ADGRE3: variants seen among roughly 807,000 people sequenced by gnomAD.
ADGRE3 encodes EGF-like module receptor 3.
A neutral mutation model predicts 80.1 loss-of-function variants in ADGRE3; 88 were observed. The observed-to-expected ratio is 1.10, with a 90% CI of 0.93 to 1.31. The LOEUF (loss-of-function observed/expected upper bound fraction) is 1.31, where lower values mean the gene tolerates loss of function less well. Ranked by LOEUF, ADGRE3 falls within the 40% of genes most tolerant of loss-of-function variation. The pLI is 0.00. For synonymous variants in ADGRE3, 281 were observed against 294.8 expected (o/e 0.95, Z 0.48); for missense variants, 715 against 776.5 (o/e 0.92, Z 0.94).
At chr19:14,647,145 G>T (rs756583365) in intron 8 of ADGRE3, 36 bp downstream of exon 8, 1 of 1,586,348 alleles carries the variant, frequency 6.3e-7, no homozygotes. Context: ...CTGCCTCCTT[G>T]AGAACCCACA....
chr19:14,645,254 T>C (rs1002149459), intron 8 of ADGRE3, among the ~76,000 whole-genome samples: 1 of 152,192 alleles, frequency 6.6e-6, no homozygotes, highest in Non-Finnish European at 1.5e-5. Flanking sequence ...AAGCCAAATG[T>C]CCCTGGTCGT....
chr19:14,620,542 T>TGA (rs1470604975), intron 15 of ADGRE3, among the ~76,000 whole-genome samples: 8 of 15,956 alleles, frequency 5.0e-4, no homozygotes, highest in Non-Finnish European at 4.1e-4. Context: ...ATATTTTATA[T>TGA]ATATATTATA....
At chr19:14,600,319 C>T in the ADGRE3 span, 1 of 1,039,312 alleles carries the variant, frequency 9.6e-7, no homozygotes, top group East Asian at 2.6e-5. Flanking sequence ...ACAGCAAGCT[C>T]TTCCTAAGGT....
At chr19:14,663,853 T>C (rs1013682081) in intron 2 of ADGRE3, among the ~76,000 whole-genome samples, 1 of 151,822 alleles carries the variant, frequency 6.6e-6, no homozygotes, top group Non-Finnish European at 1.5e-5. Flanking sequence ...CAAATATATA[T>C]ATTTGTTACA....
chr19:14,624,096 C>T (rs1280345530), intron 15 of ADGRE3, among the ~76,000 whole-genome samples: 1 of 139,862 alleles, frequency 7.1e-6, no homozygotes, highest in South Asian at 2.3e-4. Flanking sequence ...ACCTGGCTTC[C>T]TTTTTTTTTT....
intron 5 of ADGRE3, among the ~76,000 whole-genome samples, chr19:14,655,612 T>C (rs1427455500): frequency 6.6e-6 from 1 of 151,976 alleles, no homozygotes; most frequent in Non-Finnish European, 1.5e-5. Flanking sequence ...CACACCGCCA[T>C]GCTTGCTTAA....
At chr19:14,620,562 A>ATTTTTT (rs1970566190) in intron 15 of ADGRE3, among the ~76,000 whole-genome samples, 1 of 22,076 alleles carries the variant, frequency 4.5e-5, no homozygotes, top group East Asian at 1.3e-3. Context: ...ATATATATAT[A>ATTTTTT]TATATATTTT....
At chr19:14,629,806 A>C (rs1306012001) in intron 14 of ADGRE3, among the ~76,000 whole-genome samples, 3 of 152,204 alleles carry the variant, frequency 2.0e-5, no homozygotes, top group Non-Finnish European at 2.9e-5. Flanking sequence ...AAAACTGAGA[A>C]AAAGGCATGA....
intron 3 of ADGRE3, 89 bp from the exon 4 acceptor site, chr19:14,662,207 T>C (rs1478226670): frequency 6.8e-6 from 9 of 1,331,400 alleles, no homozygotes; most frequent in East Asian, 2.3e-5. Context: ...CTTTCCCCCA[T>C]GGTCTGTCCT....
rs932045860 is a variant in ADGRE3, at chr19:14,621,696, C to T, written c.1921-2225G>A. 1.3e-5 allele frequency: 14 copies of T among 1,037,826 alleles called. 4 individuals are homozygous for T. In the Admixed American group the frequency reaches 3.0e-4, roughly 22 times the overall value. The allele number at this position is 1,037,826 out of a possible 1,614,324, so 64.3% of individuals were successfully genotyped here. ...GCACTCTTATAAATAGGATTTTCAC[C>T]CGTGTCCCATTTGGCATTCATTTTC... On this transcript the variant is annotated intron_variant, in intron 15 of 15. Coordinates refer to ENST00000253673, the MANE Select transcript of ADGRE3 (RefSeq NM_032571.5).
At chr19:14,636,497 G>T (rs1055375012) in intron 11 of ADGRE3, among the ~76,000 whole-genome samples, 1 of 151,782 alleles carries the variant, frequency 6.6e-6, no homozygotes, top group African/African-American at 2.4e-5. Context: ...ATGAGTCACC[G>T]TGCCCGACCT....
At chr19:14,642,868 G>C (rs566591807) in intron 9 of ADGRE3, among the ~76,000 whole-genome samples, 2 of 152,230 alleles carry the variant, frequency 1.3e-5, no homozygotes, top group African/African-American at 4.8e-5. Context: ...CTCTGCTATT[G>C]TGAATAGTGC....
At chr19:14,660,782 G>T (rs920104057) in intron 4 of ADGRE3, among the ~76,000 whole-genome samples, 2 of 151,838 alleles carry the variant, frequency 1.3e-5, no homozygotes, top group African/African-American at 4.8e-5. Context: ...CCCTGGACAC[G>T]GATCCACGGG....
At chr19:14,652,776 CAA>C (rs34330214) in intron 6 of ADGRE3, among the ~76,000 whole-genome samples, 1 of 62,372 alleles carries the variant, frequency 1.6e-5, no homozygotes. Context: ...GACTCCATCT[CAA>C]AAAAAAAAAA....
chr19:14,656,214 G>A (rs1004896586), intron 5 of ADGRE3, among the ~76,000 whole-genome samples: 3 of 151,832 alleles, frequency 2.0e-5, no homozygotes, highest in East Asian at 3.9e-4. Flanking sequence ...GCATGGTGGC[G>A]CGTGCCTGTA....
intron 7 of ADGRE3, among the ~76,000 whole-genome samples, chr19:14,648,174 A>G (rs555130841): frequency 1.8e-4 from 28 of 152,080 alleles, no homozygotes; most frequent in African/African-American, 6.3e-4. Flanking sequence ...ACACTGAGAC[A>G]ATGAATAATA....
intron 14 of ADGRE3, 122 bp downstream of exon 14, chr19:14,629,917 T>C: frequency 1.8e-6 from 1 of 553,730 alleles, no homozygotes; most frequent in South Asian, 4.6e-5. Flanking sequence ...ATAGAGAGAG[T>C]GTTTACAGGT....
intron 9 of ADGRE3, among the ~76,000 whole-genome samples, 193 bp from the exon 10 acceptor site, chr19:14,641,809 T>C (rs1971260087): frequency 6.6e-6 from 1 of 152,144 alleles, no homozygotes. Flanking sequence ...AGATTGTTAA[T>C]GTAGACTGCC....
chr19:14,621,178 C>A (rs1027909140), intron 15 of ADGRE3, among the ~76,000 whole-genome samples: 9 of 152,068 alleles, frequency 5.9e-5, no homozygotes, highest in African/African-American at 2.2e-4. Flanking sequence ...TGCCACCATG[C>A]CCAGTGGCTC....
Sources: allele counts gnomAD v4.1 joint callset (sites outside exome capture counted in the v4.1 genomes callset), GRCh38; gene constraint gnomAD v4.1.1; transcripts MANE v1.5; gene names NCBI Gene and HGNC (gene_info 2026-07-23, HGNC 2026-07-21).